ASIC2: variants seen among roughly 807,000 people sequenced by gnomAD.
ASIC2 encodes the protein acid sensing ion channel subunit 2.
A neutral mutation model predicts 57.3 loss-of-function variants in ASIC2; 25 were observed. That is an observed-to-expected ratio of 0.44 (90% confidence interval 0.32 to 0.61). ASIC2 has a LOEUF of 0.61. Ranked by LOEUF, ASIC2 falls within the 20% of genes least tolerant of loss-of-function variation. ASIC2 has a pLI of 0.06. For synonymous variants in ASIC2, 319 were observed against 307.5 expected (o/e 1.04, Z -0.39); for missense variants, 641 against 738.1 (o/e 0.87, Z 1.52).
chr17:34,151,099 T>G (rs1904499477), intron 1 of ASIC2, among the ~76,000 whole-genome samples: 1 of 80,542 alleles, frequency 1.2e-5, no homozygotes, highest in African/African-American at 5.2e-5. Context: ...TGAGACTCCA[T>G]CTCAAGAAAA....
intron 3 of ASIC2, among the ~76,000 whole-genome samples, chr17:33,058,952 G>A (rs974672813): frequency 5.3e-5 from 8 of 151,980 alleles, no homozygotes; most frequent in Non-Finnish European, 8.8e-5. Flanking sequence ...TTATGCAATC[G>A]TTAAAATGAT....
At chr17:33,700,573 T>A (rs1908665830) in intron 1 of ASIC2, among the ~76,000 whole-genome samples, 1 of 152,300 alleles carries the variant, frequency 6.6e-6, no homozygotes, top group South Asian at 2.1e-4. Flanking sequence ...TAAGTTCCAT[T>A]TGAAACAAGT....
intron 1 of ASIC2, among the ~76,000 whole-genome samples, chr17:33,991,245 A>C (rs1309646521): frequency 1.3e-5 from 2 of 152,212 alleles, no homozygotes; most frequent in African/African-American, 4.8e-5. Context: ...AAATATTCAT[A>C]GATTCAACTA....
intron 1 of ASIC2, among the ~76,000 whole-genome samples, chr17:33,700,326 C>T (rs1908657802): frequency 1.3e-5 from 2 of 152,274 alleles, no homozygotes; most frequent in South Asian, 2.1e-4. Flanking sequence ...CTTGACCTCT[C>T]TTGGATTTGG....
At chr17:33,030,331 T>G (rs2091877838) in intron 3 of ASIC2, among the ~76,000 whole-genome samples, 1 of 152,140 alleles carries the variant, frequency 6.6e-6, no homozygotes, top group African/African-American at 2.4e-5. Context: ...ATAAACTAGA[T>G]TTGCCTGTGT....
chr17:33,144,272 T>A (rs1904456276), intron 1 of ASIC2, among the ~76,000 whole-genome samples: 1 of 152,098 alleles, frequency 6.6e-6, no homozygotes, highest in Admixed American at 6.5e-5. Context: ...TGGCCCTGTC[T>A]TGTCCCTGTG....
intron 1 of ASIC2, among the ~76,000 whole-genome samples, chr17:33,809,532 T>G (rs934025243): frequency 6.6e-6 from 1 of 152,228 alleles, no homozygotes; most frequent in Non-Finnish European, 1.5e-5. Flanking sequence ...GAAAATGGAA[T>G]GAGCACAAGG....
intron 1 of ASIC2, among the ~76,000 whole-genome samples, chr17:33,774,128 C>T (rs1191841106): frequency 4.6e-5 from 7 of 152,176 alleles, no homozygotes. Context: ...CTCTCTGGCT[C>T]CCAAGCTCAT....
chr17:33,240,188 C>T (rs1908449979), intron 1 of ASIC2, among the ~76,000 whole-genome samples: 4 of 152,194 alleles, frequency 2.6e-5, no homozygotes, highest in Admixed American at 2.6e-4. Flanking sequence ...CCTGAGTCTA[C>T]AGAGTGAGGG....
chr17:33,367,693 A>G (rs1434452836), intron 1 of ASIC2, among the ~76,000 whole-genome samples: 3 of 152,212 alleles, frequency 2.0e-5, no homozygotes, highest in African/African-American at 7.2e-5. Flanking sequence ...TGCTTTTCAG[A>G]AAGATCTTTA....
chr17:33,909,348 C>CT (rs541677540), intron 1 of ASIC2, among the ~76,000 whole-genome samples: 138 of 152,336 alleles, frequency 9.1e-4, no homozygotes, highest in South Asian at 8.9e-3. Flanking sequence ...ACAACATATA[C>CT]TTTTTTGAAA....
intron 1 of ASIC2, among the ~76,000 whole-genome samples, chr17:33,191,546 A>AGGAGGAGGAGGAGAAAGAGAG (rs1906418963): frequency 5.4e-5 from 8 of 149,198 alleles, no homozygotes; most frequent in Admixed American, 2.7e-4. Flanking sequence ...GGATAGAAGG[A>AGGAGGAGGAGGAGAAAGAGAG]GGAGGAGGAG....
intron 1 of ASIC2, among the ~76,000 whole-genome samples, chr17:33,835,205 T>G (rs1171533290): frequency 1.3e-5 from 2 of 152,238 alleles, no homozygotes; most frequent in African/African-American, 4.8e-5. Context: ...TAGTTCTGGC[T>G]GGACCTACTA....
chr17:33,385,971 G>A (rs771482980), intron 1 of ASIC2, among the ~76,000 whole-genome samples: 43 of 152,238 alleles, frequency 2.8e-4, no homozygotes, highest in Non-Finnish European at 4.6e-4. Flanking sequence ...CTGCTCCCTC[G>A]CAGAGATAAT....
intron 1 of ASIC2, among the ~76,000 whole-genome samples, chr17:33,448,916 A>G (rs1428046206): frequency 6.6e-6 from 1 of 152,140 alleles, no homozygotes. Flanking sequence ...TCAAAAGAAC[A>G]CAGATCAGGA....
At chr17:33,299,690 A>G (rs532812148) in intron 1 of ASIC2, among the ~76,000 whole-genome samples, 1 of 152,166 alleles carries the variant, frequency 6.6e-6, no homozygotes, top group South Asian at 2.1e-4. Flanking sequence ...AGCAATTCCC[A>G]GGTATAAGAG....
rs548669907 is a variant in ASIC2, at chr17:33,838,039, G to C, written c.555+317939C>G. On this transcript the variant is annotated intron_variant, in intron 1 of 9. Coordinates refer to the ASIC2 transcript ENST00000359872. Reference sequence around the variant, plus strand: ...ACCTGTTCTTTCCTAATGGAATTTAGCATATATGTCCTTTGCTCCTACTGC... The same window carrying C: ...ACCTGTTCTTTCCTAATGGAATTTACCATATATGTCCTTTGCTCCTACTGC... Among the ~76,000 whole-genome samples, 4 of 152,236 alleles carry C rather than the reference G, an allele frequency of 2.6e-5. No individual in the cohort carries two copies. The East Asian group carries it at 5.8e-4, about 22-fold the overall frequency.
intron 1 of ASIC2, chr17:33,932,713 C>CAAAAAAAAAAA (rs869134623): frequency 6.8e-5 from 3 of 44,076 alleles, no homozygotes; most frequent in African/African-American, 1.1e-4. Context: ...AACTTTGTTT[C>CAAAAAAAAAAA]AAAAAAAAAA....
intron 1 of ASIC2, among the ~76,000 whole-genome samples, chr17:33,261,479 A>G (rs1247913555): frequency 6.6e-6 from 1 of 152,176 alleles, no homozygotes; most frequent in South Asian, 2.1e-4. Context: ...GCCTCTGGTG[A>G]CCTGGAGAAA....
Sources: allele counts gnomAD v4.1 joint callset (sites outside exome capture counted in the v4.1 genomes callset), GRCh38; gene constraint gnomAD v4.1.1; transcripts MANE v1.5; gene names NCBI Gene and HGNC (gene_info 2026-07-23, HGNC 2026-07-21).